EXOC6B: variants seen among roughly 807,000 people sequenced by gnomAD.
The protein encoded by EXOC6B is SEC15 homolog B.
Under a neutral mutation model 113.5 loss-of-function variants are expected in EXOC6B, and 54 were observed. The ratio of observed to expected loss-of-function variants is 0.48; its 90% confidence interval spans 0.38 to 0.60. EXOC6B has a LOEUF of 0.60. EXOC6B is among the 20% of genes least tolerant of loss of function. EXOC6B has a pLI of 0.00. For missense variants in EXOC6B, 797 were observed against 977.5 expected, an observed-to-expected ratio of 0.82 and a Z score of 2.46; for synonymous variants, 357 against 339.0, an observed-to-expected ratio of 1.05 and a Z score of -0.58.
chr2:72,514,951 A>G, intron 9 of EXOC6B, 92 bp downstream of exon 9: 1 of 1,004,970 alleles, frequency 1.0e-6, no homozygotes, highest in East Asian at 3.0e-5. Context: ...ACACACACAC[A>G]CAGACACACA....
chr2:72,673,445 T>C (rs1350489898), intron 6 of EXOC6B, among the ~76,000 whole-genome samples: 1 of 152,220 alleles, frequency 6.6e-6, no homozygotes, highest in African/African-American at 2.4e-5. Context: ...TGATTGAGCA[T>C]ATGATTCAAG....
At chr2:72,693,314 C>CT (rs1677637233) in intron 6 of EXOC6B, among the ~76,000 whole-genome samples, 1 of 151,476 alleles carries the variant, frequency 6.6e-6, no homozygotes, top group Non-Finnish European at 1.5e-5. Flanking sequence ...GAGACGGAGT[C>CT]TTTCTCTGTC....
chr2:72,734,327 A>G (rs1680821712), intron 2 of EXOC6B, among the ~76,000 whole-genome samples: 1 of 152,182 alleles, frequency 6.6e-6, no homozygotes, highest in South Asian at 2.1e-4. Flanking sequence ...TTCCCTCTTT[A>G]TTATTTAATT....
chr2:72,778,269 A>T (rs1467169746), intron 1 of EXOC6B, among the ~76,000 whole-genome samples: 5 of 152,182 alleles, frequency 3.3e-5, no homozygotes, highest in African/African-American at 1.2e-4. Flanking sequence ...CCAAGATAGA[A>T]ATAGGTTGGA....
chr2:72,716,432 C>T (rs1460150243), intron 6 of EXOC6B, among the ~76,000 whole-genome samples: 1 of 152,052 alleles, frequency 6.6e-6, no homozygotes, highest in African/African-American at 2.4e-5. Flanking sequence ...CTTACACTCT[C>T]GGTACTACAA....
chr2:72,542,344 G>A (rs1005943645), intron 8 of EXOC6B, among the ~76,000 whole-genome samples: 7 of 152,112 alleles, frequency 4.6e-5, no homozygotes, highest in East Asian at 1.9e-4. Flanking sequence ...AGGGACAGGC[G>A]AAGAGACTGA....
chr2:72,185,804 A>C (rs1328740705), intron 20 of EXOC6B, among the ~76,000 whole-genome samples: 2 of 149,510 alleles, frequency 1.3e-5, no homozygotes, highest in African/African-American at 5.0e-5. Context: ...CAGGTTTGTT[A>C]CATATGTATA....
At chr2:72,765,209 T>C (rs1682988397) in intron 1 of EXOC6B, among the ~76,000 whole-genome samples, 3 of 152,158 alleles carry the variant, frequency 2.0e-5, no homozygotes, top group South Asian at 2.1e-4. Flanking sequence ...GGCAGGAGGA[T>C]AGCTTTAGGC....
At chr2:72,498,583 C>T in intron 12 of EXOC6B, 32 bp from the exon 13 acceptor site, 1 of 1,373,022 alleles carries the variant, frequency 7.3e-7, no homozygotes, top group South Asian at 1.3e-5. Context: ...ACTTCAGTGT[C>T]TAAGGAAGGA....
chr2:72,731,195 A>G lies in EXOC6B; in HGVS notation c.378T>C (p.Asn126=), dbSNP rs1680621221. ...TTAATTTATCAACAGTGGCAGAAAT[A>G]TTTCTCTGTTGTAGTCGACACTGCT... The part of the protein sequence containing the change: ...ELKQCRLQQR[N]ISATVDKLML... Residue 126 remains asparagine, a synonymous_variant, in exon 4 of 22, where the codon AAT becomes AAC. Coordinates refer to ENST00000272427, the MANE Select transcript of EXOC6B (RefSeq NM_015189.3). 1.2e-6 allele frequency: 2 copies of G among 1,613,454 alleles called. No individual in the cohort carries two copies. The highest frequency in any genetic ancestry group is 8.5e-7 in the Non-Finnish European group (1 of 1,179,728).
intron 18 of EXOC6B, among the ~76,000 whole-genome samples, chr2:72,448,737 A>G (rs1696735860): frequency 6.6e-6 from 1 of 152,176 alleles, no homozygotes; most frequent in Non-Finnish European, 1.5e-5. Flanking sequence ...ATATCTTCAA[A>G]TGTAAATGGC....
chr2:72,363,468 G>T (rs559786098), intron 19 of EXOC6B, among the ~76,000 whole-genome samples: 1 of 152,108 alleles, frequency 6.6e-6, no homozygotes, highest in East Asian at 1.9e-4. Context: ...AAGAAGCAAA[G>T]TCAATTTATT....
intron 20 of EXOC6B, among the ~76,000 whole-genome samples, chr2:72,204,053 T>C (rs1679671808): frequency 6.6e-6 from 1 of 152,182 alleles, no homozygotes; most frequent in South Asian, 2.1e-4. Context: ...TTTCTCTGGA[T>C]ACCAGCAAAG....
chr2:72,687,926 C>G (rs1677203817), intron 6 of EXOC6B, among the ~76,000 whole-genome samples: 3 of 152,122 alleles, frequency 2.0e-5, no homozygotes, highest in South Asian at 4.1e-4. Context: ...CTTCCCTCCC[C>G]CACCACACAC....
At chr2:72,756,017 T>C (rs1253157623) in intron 1 of EXOC6B, among the ~76,000 whole-genome samples, 1 of 152,178 alleles carries the variant, frequency 6.6e-6, no homozygotes, top group African/African-American at 2.4e-5. Flanking sequence ...TGCTCCAAAT[T>C]ACAAAGTTAA....
At chr2:72,215,840 G>C (rs375098901) in intron 20 of EXOC6B, among the ~76,000 whole-genome samples, 16 of 152,092 alleles carry the variant, frequency 1.1e-4, no homozygotes, top group Middle Eastern at 3.4e-3. Context: ...GTCACTGCAG[G>C]AAAGGAAAAA....
intron 20 of EXOC6B, among the ~76,000 whole-genome samples, chr2:72,201,052 A>T (rs1250731335): frequency 6.6e-6 from 1 of 152,138 alleles, no homozygotes; most frequent in African/African-American, 2.4e-5. Context: ...CTTTTAATAG[A>T]TAAATAATAT....
At chr2:72,343,394 T>A (rs903400575) in intron 19 of EXOC6B, among the ~76,000 whole-genome samples, 2 of 152,186 alleles carry the variant, frequency 1.3e-5, no homozygotes, top group Non-Finnish European at 2.9e-5. Context: ...GCCACTGCAC[T>A]CCAGCCTGGG....
chr2:72,203,550 A>G (rs762330299), intron 20 of EXOC6B, among the ~76,000 whole-genome samples: 6 of 152,186 alleles, frequency 3.9e-5, no homozygotes, highest in Non-Finnish European at 8.8e-5. Context: ...TCCATTATCA[A>G]TTCATACAAC....
Sources: allele counts gnomAD v4.1 joint callset (sites outside exome capture counted in the v4.1 genomes callset), GRCh38; gene constraint gnomAD v4.1.1; transcripts MANE v1.5; gene names NCBI Gene and HGNC (gene_info 2026-07-23, HGNC 2026-07-21).